PGM1: variants seen among roughly 807,000 people sequenced by gnomAD.
PGM1 encodes the protein phosphoglucomutase-1.
A neutral mutation model predicts 55.6 loss-of-function variants in PGM1; 52 were observed. The observed-to-expected ratio is 0.94, with a 90% CI of 0.75 to 1.18. PGM1 has a LOEUF of 1.18. Ranked by LOEUF, PGM1 falls within the 50% of genes most tolerant of loss-of-function variation. The pLI, the probability that PGM1 is intolerant of heterozygous loss-of-function variation, is 0.00. For synonymous variants in PGM1, 287 were observed against 271.7 expected, an observed-to-expected ratio of 1.06 and a Z score of -0.55; for missense variants, 724 against 729.3, an observed-to-expected ratio of 0.99 and a Z score of 0.08.
At chr1:63,607,825 T>C (rs1201140850) in intron 1 of PGM1, among the ~76,000 whole-genome samples, 2 of 152,234 alleles carry the variant, frequency 1.3e-5, no homozygotes, top group African/African-American at 4.8e-5. Flanking sequence ...AGTCAGTTTA[T>C]GGGTCACCTA....
At chr1:63,630,218 T>C (rs1239390067) in intron 3 of PGM1, 130 bp downstream of exon 3, 1 of 964,034 alleles carries the variant, frequency 1.0e-6, no homozygotes, top group Non-Finnish European at 1.7e-6. Flanking sequence ...TTTGCAAGTG[T>C]TAGTTAATTA....
In PGM1 at chr1:63,638,573, G is replaced by C. The variant is rs116920941; in HGVS notation, c.1029-112G>C. The C allele has an allele frequency of 2.0e-3, 1,549 of 786,668 alleles. 21 individuals carry two copies. In the East Asian group the frequency reaches 0.029, roughly 15 times the overall value. 48.7% of individuals were successfully genotyped at this position (786,668 alleles called of 1,614,324 possible). On this transcript the variant is annotated intron_variant, in intron 6 of 10. Coordinates refer to ENST00000371084, the MANE Select transcript of PGM1 (RefSeq NM_002633.3). ...CAATCTTAGAATTATGTATGACTCT[G>C]AGCAATGCTAAATGGGACCCTTGAT...
chr1:63,659,645 G>A lies in PGM1; in HGVS notation c.1659G>A (p.Thr553=), dbSNP rs754313388. 8.1e-6 allele frequency: 13 copies of A among 1,613,846 alleles called. No homozygotes were observed. Among genetic ancestry groups the A allele is most frequent in the East Asian group, 4.5e-5 (2 of 44,882 alleles). ...ALKVSQLQER[T]GRTAPTVIT is the part of the protein sequence containing the mutation. The stretch of plus-strand genomic sequence containing the variant: ...AAGTGTCCCAGCTGCAGGAGAGGAC[G>A]GGACGCACTGCACCCACTGTCATCA... The change falls in exon 11 of 11, where the codon ACG becomes ACA. Residue 553 remains threonine, a synonymous_variant. Coordinates refer to ENST00000371084, the MANE Select transcript of PGM1 (RefSeq NM_002633.3).
intron 1 of PGM1, among the ~76,000 whole-genome samples, chr1:63,624,329 C>T (rs1308033967): frequency 1.3e-5 from 2 of 152,142 alleles, no homozygotes; most frequent in African/African-American, 4.8e-5. Flanking sequence ...TGACCTTGGA[C>T]ACAAAGAAGC....
intron 4 of PGM1, 63 bp from the exon 5 acceptor site, chr1:63,634,766 C>T: frequency 7.1e-7 from 1 of 1,413,770 alleles, no homozygotes. Context: ...CCCCTGAATC[C>T]TCACATACTT....
chr1:63,596,100 G>A (rs1648057455), intron 1 of PGM1, among the ~76,000 whole-genome samples: 1 of 151,996 alleles, frequency 6.6e-6, no homozygotes, highest in African/African-American at 2.4e-5. Context: ...TGCTGCATTT[G>A]GCAGTGCTGA....
At chr1:63,602,682 T>G (rs1459727598) in intron 1 of PGM1, among the ~76,000 whole-genome samples, 1 of 152,178 alleles carries the variant, frequency 6.6e-6, no homozygotes, top group African/African-American at 2.4e-5. Context: ...TTAATCTGCA[T>G]GGTGTCATAG....
At chr1:63,595,139 A>T (rs1648023091) in intron 1 of PGM1, among the ~76,000 whole-genome samples, 1 of 152,106 alleles carries the variant, frequency 6.6e-6, no homozygotes, top group South Asian at 2.1e-4. Context: ...ATTTTTATTC[A>T]TTTTAATAGT....
rs367663243 is a variant in PGM1 at position 63,654,667 on chromosome 1, G to A, written c.1599+201G>A. On this transcript the variant is annotated intron_variant, in intron 10 of 10. Coordinates refer to ENST00000371084, the MANE Select transcript of PGM1 (RefSeq NM_002633.3). ...AAAAATAGGGAGGCTGAGGTGGGAG[G>A]ATCACCTGAGCCCAGGAGGTCAAGC... Among the ~76,000 whole-genome samples the A allele has an allele frequency of 3.3e-5, 5 of 151,952 alleles. No homozygotes were observed. The East Asian group carries it at 9.7e-4, about 29-fold the overall frequency.
chr1:63,618,794 G>C (rs1411610653), intron 1 of PGM1, among the ~76,000 whole-genome samples: 2 of 152,164 alleles, frequency 1.3e-5, no homozygotes, highest in East Asian at 3.9e-4. Flanking sequence ...ATTCTCCAGT[G>C]GCTTGTGTTC....
chr1:63,629,067 A>C (rs1486986032), intron 1 of PGM1, among the ~76,000 whole-genome samples: 8 of 152,144 alleles, frequency 5.3e-5, no homozygotes. Flanking sequence ...ATTGGATAAA[A>C]ATGTGGGTTT....
At chr1:63,626,504 G>A (rs1483532609) in intron 1 of PGM1, among the ~76,000 whole-genome samples, 1 of 152,004 alleles carries the variant, frequency 6.6e-6, no homozygotes, top group East Asian at 1.9e-4. Flanking sequence ...ATTTCACTTA[G>A]CATGATGTTT....
rs1286125356 is a variant in PGM1 at position 63,651,746 on chromosome 1, C to T, written c.1358C>T (p.Ser453Phe). The T allele has an allele frequency of 3.7e-6, 6 of 1,613,702 alleles. No individual in the cohort carries two copies. The South Asian group carries it at 4.4e-5, about 12-fold the overall frequency. ...KDLEALMFDRSFVGKQFSAND... is the reference protein window; with the variant it reads ...KDLEALMFDRFFVGKQFSAND... ...TTGGAGGCCCTGATGTTTGATCGCT[C>T]CTTTGTGGGGAAGCAGTTCTCAGCA... is the stretch of plus-strand genomic sequence containing the variant. Residue 453 changes from serine (S) to phenylalanine (F), a missense_variant, in exon 9 of 11, where the codon TCC (serine) becomes TTC (phenylalanine). By Grantham distance (155) the Ser-to-Phe change is radical (BLOSUM62 -2). Coordinates refer to ENST00000371084, the MANE Select transcript of PGM1 (RefSeq NM_002633.3).
At chr1:63,655,172 G>A (rs1441420465) in intron 10 of PGM1, among the ~76,000 whole-genome samples, 1 of 151,060 alleles carries the variant, frequency 6.6e-6, no homozygotes, top group Non-Finnish European at 1.5e-5. Context: ...TAGGGAGGAG[G>A]TCTTAGTACA....
At chr1:63,603,866 T>A (rs1219851409) in intron 1 of PGM1, among the ~76,000 whole-genome samples, 2 of 152,238 alleles carry the variant, frequency 1.3e-5, no homozygotes, top group Non-Finnish European at 2.9e-5. Context: ...GAATTGCCCA[T>A]GCTGTTTAAA....
At chr1:63,656,558 A>G (rs189077020) in intron 10 of PGM1, among the ~76,000 whole-genome samples, 27 of 148,844 alleles carry the variant, frequency 1.8e-4, no homozygotes, top group African/African-American at 5.2e-4. Flanking sequence ...CTACAGATGA[A>G]TGAAGACATT....
intron 1 of PGM1, among the ~76,000 whole-genome samples, chr1:63,612,683 C>T (rs114956607): frequency 0.011 from 1,631 of 152,300 alleles, 28 homozygotes; most frequent in African/African-American, 0.036. Flanking sequence ...CTTTCAGCCT[C>T]AACCATGCAG....
chr1:63,616,998 G>T (rs1648732127), intron 1 of PGM1, among the ~76,000 whole-genome samples: 1 of 152,158 alleles, frequency 6.6e-6, no homozygotes, highest in South Asian at 2.1e-4. Context: ...AGAACCAGCT[G>T]GTGCTAAGCT....
chr1:63,654,407 A>T lies in PGM1; in HGVS notation c.1540A>T (p.Ile514Phe). ...LSGTGSAGAT[I>F]RLYIDSYEKD... ...CGGCACTGGGAGTGCCGGGGCCACC[A>T]TTCGGCTGTACATCGATAGCTATGA... The change falls in exon 10 of 11, where the codon ATT (isoleucine) becomes TTT (phenylalanine). Residue 514 changes from isoleucine (I) to phenylalanine (F), a missense_variant. This residue lies in a region of PGM1 where 316 missense variants were observed against 313.1 expected (regional missense o/e 1.01). Transcript: ENST00000371084. 2.5e-6 allele frequency: 4 copies of T among 1,614,100 alleles called. No homozygotes were observed. The highest frequency in any genetic ancestry group is 3.4e-6 in the Non-Finnish European group (4 of 1,179,952).
Sources: allele counts gnomAD v4.1 joint callset (sites outside exome capture counted in the v4.1 genomes callset), GRCh38; gene constraint gnomAD v4.1.1; regional missense constraint gnomAD v4.1.1; transcripts MANE v1.5; gene names NCBI Gene and HGNC (gene_info 2026-07-23, HGNC 2026-07-21).